TPM3: variants seen among roughly 807,000 people sequenced by gnomAD.
TPM3 encodes tropomyosin 3, also known as tropomyosin alpha-3 chain.
A neutral mutation model predicts 43.1 loss-of-function variants in TPM3; 16 were observed. The observed-to-expected ratio is 0.37, with a 90% CI of 0.25 to 0.56. The LOEUF (loss-of-function observed/expected upper bound fraction) is 0.56. TPM3 is among the 20% of genes least tolerant of loss of function. The probability of loss-of-function intolerance (pLI) is 0.77; values close to 1 mark genes in which losing one functional copy is unlikely to be tolerated. For synonymous variants in TPM3, 101 were observed against 116.9 expected (o/e 0.86, Z 0.88); for missense variants, 176 against 337.2 (o/e 0.52, Z 3.74).
chr1:154,157,737 G>A (rs1478415221), downstream of TPM3: 1 of 780,820 alleles, frequency 1.3e-6, no homozygotes, highest in Non-Finnish European at 2.4e-6. Flanking sequence ...GGGGGTAAAG[G>A]AGAGAAGTTA....
intron 8 of TPM3, 102 bp from the exon 9 acceptor site, chr1:154,169,485 T>G (rs1661345433): frequency 2.5e-6 from 3 of 1,203,934 alleles, no homozygotes; most frequent in East Asian, 4.7e-5. Context: ...AAAGTGTGAC[T>G]GTGGGTCTAA....
At chr1:154,182,732 G>GA (rs1218510144) in intron 2 of TPM3, among the ~76,000 whole-genome samples, 1 of 152,120 alleles carries the variant, frequency 6.6e-6, no homozygotes, top group East Asian at 1.9e-4. Flanking sequence ...GAGAAAAAAA[G>GA]AGGAGGAAAG....
chr1:154,191,877 G>T, intron 1 of TPM3, 25 bp downstream of exon 1: 1 of 1,602,612 alleles, frequency 6.2e-7, no homozygotes, highest in South Asian at 1.1e-5. Context: ...ACTAGCAGAT[G>T]AGAGAGATCA....
chr1:154,174,405 T>TACACACACACAC (rs1198280346), intron 3 of TPM3, among the ~76,000 whole-genome samples: 6 of 89,530 alleles, frequency 6.7e-5, no homozygotes, highest in Admixed American at 2.4e-4. Context: ...TATATATATA[T>TACACACACACAC]ATACACACAA....
chr1:154,161,526 C>T (rs1660374542), downstream of TPM3, among the ~76,000 whole-genome samples: 4 of 150,526 alleles, frequency 2.7e-5, no homozygotes, highest in South Asian at 8.4e-4. Context: ...ACCTCCACCT[C>T]CCAGGTTCAA....
In TPM3 at chr1:154,175,028, C is replaced by T. The variant is rs987807800; in HGVS notation, c.377+1087G>A. On this transcript the variant is annotated intron_variant, in intron 3 of 9. Transcript: ENST00000651641. Reference sequence around the variant, plus strand: ...GGGCCATGGTTCTCAACCCTAGGAACACATTAAAATTAGCTGGGGAAGGCC... The same window carrying T: ...GGGCCATGGTTCTCAACCCTAGGAATACATTAAAATTAGCTGGGGAAGGCC... Among the ~76,000 whole-genome samples, 3 of 151,988 alleles carry T rather than the reference C, an allele frequency of 2.0e-5. No homozygotes were observed. In the South Asian group the frequency reaches 6.2e-4, roughly 32 times the overall value.
chr1:154,176,612 T>G (rs922114526), intron 2 of TPM3, among the ~76,000 whole-genome samples: 1 of 145,884 alleles, frequency 6.9e-6, no homozygotes, highest in Non-Finnish European at 1.5e-5. Flanking sequence ...CTTGGAGGCA[T>G]GTCTCATCCT....
downstream of TPM3, chr1:154,157,276 G>A (rs1219655470): frequency 5.6e-5 from 23 of 410,162 alleles, no homozygotes; most frequent in Non-Finnish European, 9.6e-5. Context: ...AAAGGGATTC[G>A]ATTGCTGCTT....
rs192201879 is a variant in TPM3, at chr1:154,167,296, C to T, written c.*641G>A. ...TGTGACTGGAGTTGACATAATTAGT[C>T]AATCTTAGCAATAATGTATTGGGTT... On this transcript the variant is annotated 3_prime_UTR_variant, in exon 10 of 10. Coordinates refer to ENST00000651641, the MANE Select transcript of TPM3 (RefSeq NM_152263.4). 187 of 984,976 alleles carry T rather than the reference C, an allele frequency of 1.9e-4. No individual in the cohort carries two copies. The African/African-American group carries it at 2.8e-3, about 15-fold the overall frequency. 61.0% of individuals were successfully genotyped at this position (984,976 alleles called of 1,614,324 possible).
downstream of TPM3, among the ~76,000 whole-genome samples, chr1:154,158,054 C>T (rs1450877355): frequency 6.6e-6 from 1 of 152,184 alleles, no homozygotes; most frequent in Non-Finnish European, 1.5e-5. Context: ...GTTTTGCCCA[C>T]ATAACAATAC....
At position 154,172,827 on chromosome 1, in the gene TPM3, C is replaced by T. The variant is rs987327445; in HGVS notation, c.566+81G>A. On this transcript the variant is annotated intron_variant, in intron 5 of 9. Coordinates refer to ENST00000651641, the MANE Select transcript of TPM3 (RefSeq NM_152263.4). ...CCTGTTTAACAAGGTTGAAGGAATG[C>T]TAATTTATTCATATTAGTGCCCAAG... is the stretch of plus-strand genomic sequence containing the variant. 6 of 1,540,648 alleles carry T rather than the reference C, an allele frequency of 3.9e-6. No homozygotes were observed. The African/African-American group carries it at 4.1e-5, about 11-fold the overall frequency.
intron 2 of TPM3, among the ~76,000 whole-genome samples, chr1:154,185,420 A>G (rs11582364): frequency 0.46 from 68,171 of 147,268 alleles, 16,472 homozygotes; most frequent in Admixed American, 0.59. Context: ...GCAGTGGCTC[A>G]CACCTGTAAT....
rs1047576463 is a variant in TPM3 at position 154,188,628 on chromosome 1, T to C, written c.243+2558A>G. Among the ~76,000 whole-genome samples the C allele has an allele frequency of 1.5e-4, 20 of 136,784 alleles. 3 individuals carry two copies. Among genetic ancestry groups the C allele is most frequent in the African/African-American group, 5.8e-4 (20 of 34,312 alleles). 89.7% of individuals were successfully genotyped at this position (136,784 alleles called of 152,430 possible). On this transcript the variant is annotated intron_variant, in intron 2 of 9. Coordinates refer to ENST00000651641, the MANE Select transcript of TPM3 (RefSeq NM_152263.4). ...AGGCGGAGCTTGCAGTGAGCCAAGA[T>C]CGTACCACTGCACTCCAGCCTGGGT... is the stretch of plus-strand genomic sequence containing the variant.
chr1:154,173,769 C>T (rs547299972), intron 3 of TPM3, among the ~76,000 whole-genome samples: 34 of 152,156 alleles, frequency 2.2e-4, no homozygotes, highest in East Asian at 1.4e-3. Context: ...TCAGGTGGAT[C>T]ACTTGAGGTC....
Position 154,166,282 on chromosome 1 carries a change from C to T in TPM3, c.*1655G>A, listed in dbSNP as rs1660948752. ...TTGCTGTGTTGCCCAGGCTGGAGTA[C>T]TACAGTGGCTATTTATAGGTGCAAT... On this transcript the variant is annotated 3_prime_UTR_variant, in exon 10 of 10. Transcript: ENST00000651641. The T allele has an allele frequency of 4.4e-6, 1 of 229,086 alleles. No homozygotes were observed. Among genetic ancestry groups the T allele is most frequent in the African/African-American group, 2.2e-5 (1 of 45,074 alleles). 14.2% of individuals were successfully genotyped at this position (229,086 alleles called of 1,614,324 possible).
At position 154,163,486 on chromosome 1, in the gene TPM3, C is replaced by T. The variant is rs1165714581; in HGVS notation, c.*4451G>A. Among the ~76,000 whole-genome samples, 3 of 152,170 alleles carry T rather than the reference C, an allele frequency of 2.0e-5. No homozygotes were observed. Among genetic ancestry groups the T allele is most frequent in the South Asian group, 4.1e-4 (2 of 4,828 alleles). On this transcript the variant is annotated 3_prime_UTR_variant, in exon 10 of 10. Transcript: ENST00000651641. ...AAATTACTAAAGTATCAATGCATGT[C>T]CCATTTTCAGTTATCTTCCTTCTTA...
intron 2 of TPM3, among the ~76,000 whole-genome samples, chr1:154,190,176 A>AGGT (rs1663621077): frequency 6.6e-6 from 1 of 152,174 alleles, no homozygotes; most frequent in Non-Finnish European, 1.5e-5. Context: ...TCTTGACCTC[A>AGGT]GGTGATCCAC....
downstream of TPM3, chr1:154,155,793 T>C (rs1260460592): frequency 8.9e-6 from 2 of 224,484 alleles, no homozygotes; most frequent in Non-Finnish European, 1.8e-5. Context: ...TGAAGGAAAA[T>C]GTATATAGTT....
chr1:154,183,138 G>A (rs201126385), intron 2 of TPM3: 3 of 1,597,854 alleles, frequency 1.9e-6, no homozygotes, highest in African/African-American at 2.7e-5. Context: ...CCCAGCTACT[G>A]CTCGCGCTCC....
Sources: allele counts gnomAD v4.1 joint callset (sites outside exome capture counted in the v4.1 genomes callset), GRCh38; gene constraint gnomAD v4.1.1; transcripts MANE v1.5; gene names NCBI Gene and HGNC (gene_info 2026-07-23, HGNC 2026-07-21).